The following FOCAD variants were observed in gnomAD, a reference collection of about 807,000 sequenced individuals.
The protein encoded by FOCAD is KIAA1797.
A neutral mutation model predicts 225.6 loss-of-function variants in FOCAD; 198 were observed. The ratio of observed to expected loss-of-function variants is 0.88; its 90% CI spans 0.78 to 0.99. The LOEUF (loss-of-function observed/expected upper bound fraction) is 0.99, where lower values mean the gene tolerates loss of function less well. Ranked by LOEUF, FOCAD falls within the 50% of genes least tolerant of loss-of-function variation. The probability of loss-of-function intolerance (pLI) is 0.00; values close to 1 mark genes in which losing one functional copy is unlikely to be tolerated. For missense variants in FOCAD, 2,713 were observed against 2,123.6 expected, an observed-to-expected ratio of 1.28 and a Z score of -5.46; for synonymous variants, 897 against 755.0, an observed-to-expected ratio of 1.19 and a Z score of -3.08.
chr9:20,942,159 A>G (rs918197786), intron 28 of FOCAD, among the ~76,000 whole-genome samples: 12 of 152,224 alleles, frequency 7.9e-5, no homozygotes, highest in African/African-American at 2.9e-4. Flanking sequence ...CAGTCACTTA[A>G]CTGCCGCTGT....
chr9:20,733,595 G>A (rs1033574313), intron 4 of FOCAD, among the ~76,000 whole-genome samples: 2 of 152,126 alleles, frequency 1.3e-5, no homozygotes, highest in Non-Finnish European at 2.9e-5. Context: ...CTATGAGTGA[G>A]AACATGCGGT....
At chr9:20,913,607 T>C (rs1458686147) in intron 23 of FOCAD, among the ~76,000 whole-genome samples, 1 of 152,196 alleles carries the variant, frequency 6.6e-6, no homozygotes, top group African/African-American at 2.4e-5. Flanking sequence ...TAAAAATCTG[T>C]CCGAAGATTA....
intron 2 of FOCAD, among the ~76,000 whole-genome samples, chr9:20,663,236 CA>C (rs1821788317): frequency 6.6e-6 from 1 of 151,732 alleles, no homozygotes; most frequent in South Asian, 2.1e-4. Context: ...AAATAAAAAA[CA>C]AAAAATTAGT....
At chr9:20,656,777 A>G (rs1188512845), upstream of FOCAD, among the ~76,000 whole-genome samples, 3 of 152,134 alleles carry the variant, frequency 2.0e-5, no homozygotes, top group Non-Finnish European at 2.9e-5. Context: ...GTCCATTTAC[A>G]TTTAAAGTTA....
At chr9:20,934,876 G>GC (rs1175172557) in intron 28 of FOCAD, among the ~76,000 whole-genome samples, 2 of 150,902 alleles carry the variant, frequency 1.3e-5, no homozygotes, top group Non-Finnish European at 3.0e-5. Flanking sequence ...TACAATAGCT[G>GC]CAAAAAAAAA....
intron 21 of FOCAD, chr9:20,885,437 G>A (rs551325066): frequency 1.9e-4 from 57 of 307,956 alleles, no homozygotes; most frequent in African/African-American, 1.2e-3. Context: ...ACTGCCCAGC[G>A]TATTTATTAG....
intron 34 of FOCAD, 107 bp from the exon 35 acceptor site, chr9:20,952,878 C>A (rs767468565): frequency 6.0e-6 from 5 of 831,716 alleles, no homozygotes; most frequent in Non-Finnish European, 1.0e-5. Context: ...ATGGCATAAA[C>A]ATCTCCACTT....
intron 20 of FOCAD, among the ~76,000 whole-genome samples, chr9:20,882,548 A>G (rs1332260069): frequency 2.6e-5 from 4 of 152,224 alleles, no homozygotes; most frequent in Non-Finnish European, 5.9e-5. Flanking sequence ...AACAGCATGC[A>G]AGAGGTAAAA....
chr9:20,930,432 C>G (rs1267004902), intron 27 of FOCAD, among the ~76,000 whole-genome samples: 2 of 152,158 alleles, frequency 1.3e-5, no homozygotes, highest in Non-Finnish European at 2.9e-5. Context: ...TGTTTTCCTA[C>G]TTTGGAAATA....
chr9:20,936,853 T>C (rs1836028413), intron 28 of FOCAD, among the ~76,000 whole-genome samples: 1 of 152,200 alleles, frequency 6.6e-6, no homozygotes, highest in Admixed American at 6.5e-5. Flanking sequence ...CAAAATCTCC[T>C]TAAGCTCATA....
chr9:20,797,979 G>C (rs1821321112), intron 11 of FOCAD, among the ~76,000 whole-genome samples: 2 of 152,144 alleles, frequency 1.3e-5, no homozygotes, highest in Non-Finnish European at 2.9e-5. Flanking sequence ...TATTGGCTGT[G>C]GGTTTGTCAT....
At chr9:20,731,598 A>C (rs1826707056) in intron 4 of FOCAD, among the ~76,000 whole-genome samples, 1 of 152,118 alleles carries the variant, frequency 6.6e-6, no homozygotes, top group South Asian at 2.1e-4. Context: ...CCATCCATCC[A>C]TCTATTAATT....
intron 11 of FOCAD, among the ~76,000 whole-genome samples, chr9:20,796,658 GGTT>G (rs1821145242): frequency 6.6e-6 from 1 of 152,002 alleles, no homozygotes; most frequent in African/African-American, 2.4e-5. Flanking sequence ...TTTTTGATGG[GGTT>G]GTTTGTTTTT....
At chr9:20,877,062 A>G (rs553255690) in intron 19 of FOCAD, among the ~76,000 whole-genome samples, 1 of 152,326 alleles carries the variant, frequency 6.6e-6, no homozygotes, top group African/African-American at 2.4e-5. Flanking sequence ...AGTTGATAAC[A>G]TCTCACATAA....
In FOCAD at chr9:20,927,148, C is replaced by G. The variant is rs1835033916; in HGVS notation, c.3078+731C>G. Among the ~76,000 whole-genome samples, 3 of 152,104 alleles carry G rather than the reference C, an allele frequency of 2.0e-5. No individual in the cohort carries two copies. In the East Asian group the frequency reaches 5.8e-4, roughly 29 times the overall value. On this transcript the variant is annotated intron_variant, in intron 26 of 43. Coordinates refer to ENST00000338382, the MANE Select transcript of FOCAD (RefSeq NM_001375567.1). ...AGTTATTCTAATGTGTAGTCAGGGT[C>G]AAGAGCTACAGTTGTAGTAGAATAA...
chr9:20,844,600 A>T (rs1414586005), intron 15 of FOCAD, among the ~76,000 whole-genome samples: 1 of 151,874 alleles, frequency 6.6e-6, no homozygotes, highest in Non-Finnish European at 1.5e-5. Context: ...ACCTCAGGTG[A>T]TCTGCCTGCC....
chr9:20,755,984 G>C (rs564913295), intron 5 of FOCAD, among the ~76,000 whole-genome samples: 1 of 151,976 alleles, frequency 6.6e-6, no homozygotes, highest in South Asian at 2.1e-4. Flanking sequence ...AATTGAACAC[G>C]ACCTGCTGAA....
chr9:20,907,800 T>G (rs1016429816), intron 22 of FOCAD, among the ~76,000 whole-genome samples: 19 of 152,240 alleles, frequency 1.2e-4, no homozygotes, highest in Middle Eastern at 3.4e-3. Context: ...TTCTACTTGT[T>G]CTCTAGATCA....
rs116069239 is a variant in FOCAD, at chr9:20,661,185, A to G, written c.-78+2359A>G. ...TCTTCTCTGAGAAGTACGGAAGCAA[A>G]GTTATCTGAAAAATGTGGTAGAGGA... On this transcript the variant is annotated intron_variant, in intron 2 of 45. Coordinates refer to the FOCAD transcript ENST00000380249. Among the ~76,000 whole-genome samples, 664 of 152,338 alleles carry G rather than the reference A, an allele frequency of 4.4e-3. 5 individuals carry two copies. The highest frequency in any genetic ancestry group is 0.015 in the African/African-American group (633 of 41,588).
Sources: allele counts gnomAD v4.1 joint callset (sites outside exome capture counted in the v4.1 genomes callset), GRCh38; gene constraint gnomAD v4.1.1; transcripts MANE v1.5; gene names NCBI Gene and HGNC (gene_info 2026-07-23, HGNC 2026-07-21).